MYOF: variants seen among roughly 807,000 people sequenced by gnomAD.
MYOF encodes myoferlin.
A neutral mutation model predicts 284.2 loss-of-function variants in MYOF; 244 were observed. That is an observed-to-expected ratio of 0.86 (90% CI 0.77 to 0.95). The LOEUF is 0.95. MYOF is among the 40% of genes least tolerant of loss of function. The pLI, the probability that MYOF is intolerant of heterozygous loss-of-function variation, is 0.00. For synonymous variants in MYOF, 904 were observed against 919.7 expected (o/e 0.98, Z 0.31); for missense variants, 2,496 against 2,560.6 (o/e 0.97, Z 0.54).
chr10:93,351,543 A>T lies in MYOF; in HGVS notation c.3692T>A (p.Ile1231Asn). The T allele has an allele frequency of 6.2e-7, 1 of 1,614,148 alleles. No individual in the cohort carries two copies. Among genetic ancestry groups the T allele is most frequent in the Non-Finnish European group, 8.5e-7 (1 of 1,180,030 alleles). ...VGKDEFLGRS[I>N]FSPVVKLNSE... ...GTTCAGTTTCACCACAGGAGAGAAA[A>T]TGCTTCGTCCTAAAAATTCATCTTT... is the stretch of plus-strand genomic sequence containing the variant. Residue 1231 changes from isoleucine to asparagine, a missense_variant, in exon 34 of 54, where the codon ATT (isoleucine) becomes AAT (asparagine). Transcript: ENST00000359263.
At chr10:93,322,011 AAAAT>A (rs969316771) in intron 48 of MYOF, among the ~76,000 whole-genome samples, 3 of 152,204 alleles carry the variant, frequency 2.0e-5, no homozygotes, top group Non-Finnish European at 4.4e-5. Context: ...GAAAAAAAAA[AAAAT>A]AATGCTTATG....
At chr10:93,308,599 A>AG (rs1842237397) in intron 53 of MYOF, among the ~76,000 whole-genome samples, 1 of 151,860 alleles carries the variant, frequency 6.6e-6, no homozygotes, top group African/African-American at 2.4e-5. Flanking sequence ...AAAAAAAAAA[A>AG]AGCAGTTTGA....
chr10:93,478,819 C>A (rs2057322503), intron 1 of MYOF, among the ~76,000 whole-genome samples: 1 of 20,036 alleles, frequency 5.0e-5, no homozygotes, highest in African/African-American at 2.3e-4. Context: ...CAGGGTGAAA[C>A]AGTCTCAAAA....
At chr10:93,402,378 A>G (rs931688470) in intron 10 of MYOF, 31 bp from the exon 11 acceptor site, 1 of 1,535,902 alleles carries the variant, frequency 6.5e-7, no homozygotes, top group Non-Finnish European at 9.0e-7. Flanking sequence ...AAGGAAATGG[A>G]CATGCTAAAA....
At chr10:93,439,220 G>A (rs796356972) in intron 3 of MYOF, among the ~76,000 whole-genome samples, 8 of 152,352 alleles carry the variant, frequency 5.3e-5, no homozygotes, top group African/African-American at 1.7e-4. Context: ...CTGAGTGGAA[G>A]CCCAGGTCTC....
At chr10:93,421,719 G>A (rs1848365469) in intron 5 of MYOF, among the ~76,000 whole-genome samples, 1 of 151,930 alleles carries the variant, frequency 6.6e-6, no homozygotes, top group African/African-American at 2.4e-5. Flanking sequence ...CTTCCCCCAT[G>A]AGTGGAAGCT....
chr10:93,406,481 G>T (rs1467897896), intron 7 of MYOF, among the ~76,000 whole-genome samples: 1 of 150,836 alleles, frequency 6.6e-6, no homozygotes, highest in Non-Finnish European at 1.5e-5. Flanking sequence ...TGGGAATGCA[G>T]CTGAGTCAAC....
At chr10:93,439,588 A>C (rs1266496967) in intron 3 of MYOF, among the ~76,000 whole-genome samples, 2 of 152,242 alleles carry the variant, frequency 1.3e-5, no homozygotes. Flanking sequence ...GGCCTGACTA[A>C]TTCAGACTCA....
rs57700900 is a variant in MYOF at position 93,442,041 on chromosome 10, C to CACACACACACACACAGAG, written c.236+10008_236+10009insCTCTGTGTGTGTGTGTGT. Among the ~76,000 whole-genome samples, 20 of 142,736 alleles carry CACACACACACACACAGAG rather than the reference C, an allele frequency of 1.4e-4. 1 individual carries two copies. Among genetic ancestry groups the CACACACACACACACAGAG allele is most frequent in the South Asian group, 9.0e-4 (4 of 4,428 alleles). 93.6% of individuals were successfully genotyped at this position (142,736 alleles called of 152,430 possible). ...ACACACACACACACACACACACACA[C>CACACACACACACACAGAG]AGAATAAACCTTGGAAAGTCTGGGC... On this transcript the variant is annotated intron_variant, in intron 3 of 53. Coordinates refer to ENST00000359263, the MANE Select transcript of MYOF (RefSeq NM_013451.4).
chr10:93,343,474 C>T (rs1159074550), intron 38 of MYOF, among the ~76,000 whole-genome samples: 2 of 152,246 alleles, frequency 1.3e-5, no homozygotes, highest in East Asian at 3.8e-4. Context: ...ACTTCGCTTT[C>T]TAGCAAATGA....
At chr10:93,430,762 C>T (rs1001111130) in intron 4 of MYOF, among the ~76,000 whole-genome samples, 2 of 152,254 alleles carry the variant, frequency 1.3e-5, no homozygotes, top group East Asian at 1.9e-4. Flanking sequence ...GTCACCCTCA[C>T]TCTATAGAAT....
chr10:93,397,540 T>G, intron 13 of MYOF, 84 bp from the exon 14 acceptor site: 6 of 962,182 alleles, frequency 6.2e-6, no homozygotes, highest in Non-Finnish European at 9.2e-6. Flanking sequence ...AGATTATGAC[T>G]TTAGCAGTTT....
At chr10:93,362,778 T>C (rs1055011959) in intron 27 of MYOF, among the ~76,000 whole-genome samples, 3 of 152,228 alleles carry the variant, frequency 2.0e-5, no homozygotes, top group Non-Finnish European at 2.9e-5. Flanking sequence ...CACTTATTCA[T>C]GTGGCAAAGA....
chr10:93,401,592 T>G (rs777646664), intron 11 of MYOF, 48 bp from the exon 12 acceptor site: 92 of 1,595,716 alleles, frequency 5.8e-5, no homozygotes, highest in Non-Finnish European at 7.3e-5. Context: ...AAGCAGCACT[T>G]GGAAAAAGCC....
At chr10:93,338,132 G>A (rs1843703041) in intron 39 of MYOF, among the ~76,000 whole-genome samples, 1 of 151,384 alleles carries the variant, frequency 6.6e-6, no homozygotes, top group South Asian at 2.1e-4. Flanking sequence ...GATGAAATGT[G>A]TTTGGCTTTA....
chr10:93,439,387 C>T (rs1478597634), intron 3 of MYOF, among the ~76,000 whole-genome samples: 3 of 148,212 alleles, frequency 2.0e-5, no homozygotes, highest in Admixed American at 6.6e-5. Flanking sequence ...AATTCTGTGC[C>T]TGCCTGCCTG....
chr10:93,362,881 A>G (rs1845141060), intron 27 of MYOF, among the ~76,000 whole-genome samples: 1 of 152,216 alleles, frequency 6.6e-6, no homozygotes, highest in Non-Finnish European at 1.5e-5. Context: ...AGGTTATAAA[A>G]TTTTATCAAA....
chr10:93,393,125 A>C (rs1023144502), intron 16 of MYOF, among the ~76,000 whole-genome samples, 170 bp from the exon 17 acceptor site: 1 of 152,180 alleles, frequency 6.6e-6, no homozygotes, highest in Non-Finnish European at 1.5e-5. Flanking sequence ...TACAATTCTC[A>C]TCGGTTAAAT....
intron 22 of MYOF, among the ~76,000 whole-genome samples, chr10:93,377,086 GGGA>G (rs150781628): frequency 0.056 from 8,523 of 152,162 alleles, 331 homozygotes; most frequent in Middle Eastern, 0.12. Context: ...ACGTGCTTCT[GGGA>G]GTGGGGCCTC....
Sources: gnomAD v4.1 joint callset for allele counts (sites outside exome capture counted in the v4.1 genomes callset) on GRCh38, gnomAD v4.1.1 for gene constraint, MANE v1.5 for transcripts, NCBI Gene and HGNC (gene_info 2026-07-23, HGNC 2026-07-21) for gene names.